The following CCSER2 variants were observed in gnomAD, a reference collection of about 807,000 sequenced individuals.
CCSER2 encodes the protein coiled-coil serine rich protein 2.
Under a neutral mutation model 92.3 loss-of-function variants are expected in CCSER2, and 46 were observed. The observed-to-expected ratio is 0.50, with a 90% confidence interval of 0.39 to 0.64. The LOEUF (loss-of-function observed/expected upper bound fraction) is 0.64. CCSER2 is among the 30% of genes least tolerant of loss of function. The probability of loss-of-function intolerance (pLI) is 0.00; values close to 1 mark genes in which losing one functional copy is unlikely to be tolerated. For missense variants in CCSER2, 1,244 were observed against 1,238.9 expected (o/e 1.00, Z -0.06); for synonymous variants, 433 against 431.4 (o/e 1.00, Z -0.04).
At chr10:84,424,031 A>G (rs1309157581) in intron 4 of CCSER2, among the ~76,000 whole-genome samples, 1 of 150,074 alleles carries the variant, frequency 6.7e-6, no homozygotes, top group Non-Finnish European at 1.5e-5. Context: ...TTGTGCCTGT[A>G]GTCCTAGCTG....
At chr10:84,391,891 G>A (rs1841538835) in intron 3 of CCSER2, 1 of 1,378,332 alleles carries the variant, frequency 7.3e-7, no homozygotes, top group Non-Finnish European at 1.0e-6. Flanking sequence ...TGATGCTGTT[G>A]CATCATGGAT....
intron 9 of CCSER2, among the ~76,000 whole-genome samples, chr10:84,510,109 A>G (rs1205139704): frequency 6.6e-6 from 1 of 152,204 alleles, no homozygotes; most frequent in Non-Finnish European, 1.5e-5. Context: ...TTAGCCTGAC[A>G]TGAGTCCTAG....
intron 1 of CCSER2, among the ~76,000 whole-genome samples, chr10:84,353,188 C>T (rs901886095): frequency 2.0e-5 from 3 of 152,140 alleles, no homozygotes; most frequent in African/African-American, 7.2e-5. Flanking sequence ...TCATGTTCTC[C>T]TCTTTTGTTT....
At position 84,354,094 on chromosome 10, in the gene CCSER2, G is replaced by A. The variant is rs1420926760; in HGVS notation, c.-39-16920G>A. On this transcript the variant is annotated intron_variant, in intron 1 of 9. Transcript: ENST00000372088. ...CACACCTGTAGTCCCAGCTACTGGG[G>A]AGGCTGAGGCGGGAGGGTTGCTTGA... 7.2e-5 allele frequency among the ~76,000 whole-genome samples: 11 copies of A among 152,250 alleles called. No individual in the cohort carries two copies. The East Asian group carries it at 1.2e-3, about 16-fold the overall frequency.
chr10:84,500,721 T>C (rs1033058861), intron 9 of CCSER2, among the ~76,000 whole-genome samples: 1 of 152,216 alleles, frequency 6.6e-6, no homozygotes, highest in African/African-American at 2.4e-5. Flanking sequence ...AAAGCTATTA[T>C]TAATGAAAAT....
At chr10:84,388,433 A>G (rs1841344903) in intron 3 of CCSER2, among the ~76,000 whole-genome samples, 1 of 152,164 alleles carries the variant, frequency 6.6e-6, no homozygotes, top group African/African-American at 2.4e-5. Flanking sequence ...ACATTCATTC[A>G]TACTCATGAA....
chr10:84,379,509 C>T (rs1840778196), intron 3 of CCSER2, among the ~76,000 whole-genome samples: 1 of 152,000 alleles, frequency 6.6e-6, no homozygotes, highest in South Asian at 2.1e-4. Context: ...TTTAGCCTTT[C>T]TCCCTTCTCT....
intron 6 of CCSER2, among the ~76,000 whole-genome samples, chr10:84,457,693 T>A (rs1845853081): frequency 7.9e-6 from 1 of 126,454 alleles, no homozygotes; most frequent in Non-Finnish European, 1.6e-5. Flanking sequence ...ATTATATATA[T>A]TTATATATAA....
At chr10:84,472,368 A>G (rs1846863781) in intron 8 of CCSER2, among the ~76,000 whole-genome samples, 1 of 152,172 alleles carries the variant, frequency 6.6e-6, no homozygotes, top group South Asian at 2.1e-4. Context: ...CAGGAGTTCG[A>G]GACCAGCCTG....
intron 7 of CCSER2, 64 bp from the exon 8 acceptor site, chr10:84,470,308 T>C: frequency 6.4e-6 from 6 of 934,506 alleles, no homozygotes; most frequent in Non-Finnish European, 8.6e-6. Context: ...GTCTTCATCA[T>C]TGATTTCATG....
chr10:84,460,338 A>T (rs1302213832), intron 6 of CCSER2, among the ~76,000 whole-genome samples: 4 of 148,796 alleles, frequency 2.7e-5, no homozygotes, highest in African/African-American at 1.0e-4. Flanking sequence ...TCCTGACCTC[A>T]GGTGATCCCC....
intron 1 of CCSER2, among the ~76,000 whole-genome samples, chr10:84,344,141 G>A (rs1844353722): frequency 6.6e-6 from 1 of 152,180 alleles, no homozygotes; most frequent in Non-Finnish European, 1.5e-5. Flanking sequence ...CCCAGACATA[G>A]TCATAGAAGA....
chr10:84,512,896 A>G (rs780894600), intron 9 of CCSER2, among the ~76,000 whole-genome samples: 1 of 152,232 alleles, frequency 6.6e-6, no homozygotes, highest in Non-Finnish European at 1.5e-5. Context: ...AAATGTCTCG[A>G]CCTATATTTG....
chr10:84,502,946 G>C (rs553098049), intron 9 of CCSER2, among the ~76,000 whole-genome samples: 1 of 151,986 alleles, frequency 6.6e-6, no homozygotes, highest in South Asian at 2.1e-4. Context: ...GAAAATAGGC[G>C]AGGCGCGGTG....
At chr10:84,455,574 C>G in intron 6 of CCSER2, 1 of 470,564 alleles carries the variant, frequency 2.1e-6, no homozygotes, top group Non-Finnish European at 4.0e-6. Flanking sequence ...CTGCGCCCAG[C>G]CTTTTCCACT....
chr10:84,390,330 G>A lies in CCSER2; in HGVS notation c.1614+16515G>A, dbSNP rs1841451968. ...GAAATACATTCTGAGAAATGTGTTA[G>A]GTAATTCCATTGTTGTGAAAGCATC... On this transcript the variant is annotated intron_variant, in intron 3 of 9. Transcript: ENST00000372088. Among the ~76,000 whole-genome samples the A allele has an allele frequency of 2.0e-5, 3 of 152,072 alleles. No homozygotes were observed. In the South Asian group the frequency reaches 6.2e-4, roughly 32 times the overall value.
At chr10:84,383,311 T>G (rs1841014168) in intron 3 of CCSER2, among the ~76,000 whole-genome samples, 1 of 152,030 alleles carries the variant, frequency 6.6e-6, no homozygotes, top group Non-Finnish European at 1.5e-5. Flanking sequence ...TTTTTATTTA[T>G]TTATTTATTT....
At chr10:84,365,228 T>C (rs1845718816) in intron 1 of CCSER2, among the ~76,000 whole-genome samples, 1 of 152,238 alleles carries the variant, frequency 6.6e-6, no homozygotes, top group Non-Finnish European at 1.5e-5. Context: ...CATTAGATGA[T>C]GTAGGCAACA....
chr10:84,502,367 CTTTTTTTTTT>C (rs562377515), intron 9 of CCSER2, among the ~76,000 whole-genome samples: 3 of 111,258 alleles, frequency 2.7e-5, no homozygotes, highest in South Asian at 3.4e-4. Context: ...TTGATGACTT[CTTTTTTTTTT>C]TTTTTTTTTT....
Sources: allele counts gnomAD v4.1 joint callset (sites outside exome capture counted in the v4.1 genomes callset), GRCh38; gene constraint gnomAD v4.1.1; transcripts MANE v1.5; gene names NCBI Gene and HGNC (gene_info 2026-07-23, HGNC 2026-07-21).